The following ITGAX variants were observed in gnomAD, a reference collection of about 807,000 sequenced individuals.
ITGAX encodes integrin alpha-X.
A neutral mutation model predicts 140.2 loss-of-function variants in ITGAX; 99 were observed. The observed-to-expected ratio is 0.71, with a 90% confidence interval of 0.60 to 0.83. The LOEUF is 0.83. Ranked by LOEUF, ITGAX falls within the 40% of genes least tolerant of loss-of-function variation. The probability of loss-of-function intolerance (pLI) is 0.00; values close to 1 mark genes in which losing one functional copy is unlikely to be tolerated. For missense variants in ITGAX, 1,444 were observed against 1,482.0 expected, an observed-to-expected ratio of 0.97 and a Z score of 0.42; for synonymous variants, 631 against 600.4, an observed-to-expected ratio of 1.05 and a Z score of -0.75.
rs1464895259 is a variant in ITGAX, at chr16:31,381,858, T to C, written c.3443T>C (p.Ile1148Thr). Residue 1148 changes from isoleucine (I) to threonine (T), a missense_variant, in exon 30 of 30, where the codon ATT (isoleucine) becomes ACT (threonine). Physicochemically the swap from Ile to Thr is moderately conservative, Grantham distance 89 (BLOSUM62 -1). Coordinates refer to ENST00000268296, the MANE Select transcript of ITGAX (RefSeq NM_000887.5). ...KEMMEEANGQ[I>T]APENGTQTPS... ...ATGATGGAGGAGGCAAATGGACAAA[T>C]TGCCCCAGAAAACGGGACACAGACC... 1 of 877,108 alleles carries C rather than the reference T, an allele frequency of 1.1e-6. No homozygotes were observed. The highest frequency in any genetic ancestry group is 2.0e-6 in the Non-Finnish European group (1 of 505,728). 54.3% of individuals were successfully genotyped at this position (877,108 alleles called of 1,614,324 possible).
At position 31,379,829 on chromosome 16, in the gene ITGAX, G is replaced by A; in HGVS notation, c.2941G>A (p.Ala981Thr). The A allele has an allele frequency of 1.2e-6, 2 of 1,614,052 alleles. No individual in the cohort carries two copies. The highest frequency in any genetic ancestry group is 4.5e-5 in the East Asian group (2 of 44,894). Reference protein sequence around the residue: ...FWVPVELNQEAVWMDVEVSHP... With the variant: ...FWVPVELNQETVWMDVEVSHP... ...GGTGCCTGTGGAGCTGAACCAGGAG[G>A]CTGTGTGGATGGATGTGGAGGTCTC... Residue 981 changes from alanine (A) to threonine (T), a missense_variant, in exon 25 of 30, where the codon GCT (alanine) becomes ACT (threonine). Ala to Thr is a moderately conservative substitution (Grantham distance 58). Transcript: ENST00000268296.
At chr16:31,368,604 TTTTTTTA>T (rs1210135149) in intron 14 of ITGAX, among the ~76,000 whole-genome samples, 2 of 151,266 alleles carry the variant, frequency 1.3e-5, no homozygotes, top group East Asian at 3.9e-4. Flanking sequence ...TTTTTATTTA[TTTTTTTA>T]TTTTTTATTT....
rs774358647 is a variant in ITGAX, at chr16:31,371,659, C to G, written c.2035C>G (p.Leu679Val). 1 of 1,614,176 alleles carries G rather than the reference C, an allele frequency of 6.2e-7. No homozygotes were observed. Among genetic ancestry groups the G allele is most frequent in the South Asian group, 1.1e-5 (1 of 91,084 alleles). ...CCTCCAAAGCTCTGTGACCTTGGAC[C>G]TGGCCCTCGACCCTGGCCGCCTGAG... ...RDLQSSVTLD[L>V]ALDPGRLSPR... The change falls in exon 17 of 30, where the codon CTG becomes GTG. Residue 679 changes from leucine to valine, a missense_variant. By Grantham distance (32) the Leu-to-Val change is conservative. Coordinates refer to ENST00000268296, the MANE Select transcript of ITGAX (RefSeq NM_000887.5).
chr16:31,365,173 T>C (rs1436206237), intron 14 of ITGAX, among the ~76,000 whole-genome samples: 1 of 151,924 alleles, frequency 6.6e-6, no homozygotes, highest in Admixed American at 6.6e-5. Context: ...AGACAGAAAG[T>C]AGATGAGCAG....
chr16:31,361,212 G>A lies in ITGAX; in HGVS notation c.1011G>A (p.Glu337=), dbSNP rs757372935. 1.9e-6 allele frequency: 3 copies of A among 1,610,434 alleles called. No homozygotes were observed. The highest frequency in any genetic ancestry group is 2.5e-6 in the Non-Finnish European group (3 of 1,178,068). The change falls in exon 9 of 30, where the codon GAG becomes GAA. Residue 337 remains glutamate, a splice_region_variant and synonymous_variant. Transcript: ENST00000268296. Reference sequence around the variant, plus strand: ...TGAAGGAGAAGATCTTTGCCATTGAGGGTGAGTCTGAAGGGAGCTCTTCGC... The same window carrying A: ...TGAAGGAGAAGATCTTTGCCATTGAAGGTGAGTCTGAAGGGAGCTCTTCGC... ...NQLKEKIFAI[E]GTETTSSSSF...
At position 31,382,293 on chromosome 16, in the gene ITGAX, T is replaced by C; in HGVS notation, c.*386T>C. ...CGGAGTCTCGCTCTGTCACCCAGGCTGGAGTGCAATGGCGTGATCTCGGCT... is the reference window on the plus strand; with the variant it reads ...CGGAGTCTCGCTCTGTCACCCAGGCCGGAGTGCAATGGCGTGATCTCGGCT... On this transcript the variant is annotated 3_prime_UTR_variant, in exon 30 of 30. Transcript: ENST00000268296. 2 of 981,426 alleles carry C rather than the reference T, an allele frequency of 2.0e-6. No homozygotes were observed. Among genetic ancestry groups the C allele is most frequent in the South Asian group, 4.4e-5 (2 of 45,492 alleles). 60.8% of individuals were successfully genotyped at this position (981,426 alleles called of 1,614,324 possible).
At position 31,379,822 on chromosome 16, in the gene ITGAX, C is replaced by T. The variant is rs757573893; in HGVS notation, c.2934C>T (p.Asn978=). The change falls in exon 25 of 30, where the codon AAC becomes AAT. Residue 978 remains asparagine, a synonymous_variant. Transcript: ENST00000268296. ...SINFWVPVEL[N]QEAVWMDVEV... ...ACTTCTGGGTGCCTGTGGAGCTGAA[C>T]CAGGAGGCTGTGTGGATGGATGTGG... 3.7e-6 allele frequency: 6 copies of T among 1,614,168 alleles called. No individual in the cohort carries two copies. The highest frequency in any genetic ancestry group is 1.3e-5 in the African/African-American group (1 of 75,032).
At chr16:31,377,344 G>T in intron 23 of ITGAX, 79 bp downstream of exon 23, 1 of 1,146,256 alleles carries the variant, frequency 8.7e-7, no homozygotes, top group Non-Finnish European at 1.3e-6. Context: ...GCCTTGAAAC[G>T]CTGCCACAGA....
chr16:31,376,904 G>A lies in ITGAX; in HGVS notation c.2614G>A (p.Gly872Ser). The change falls in exon 21 of 30, where the codon GGC (glycine) becomes AGC (serine). Residue 872 changes from glycine to serine, a missense_variant. By Grantham distance (56) the Gly-to-Ser change is moderately conservative. Coordinates refer to ENST00000268296, the MANE Select transcript of ITGAX (RefSeq NM_000887.5). The part of the protein sequence containing the change: ...SCRINHLIFR[G>S]GAQITFLATF... ...CAGAATCAACCACCTCATCTTCCGT[G>A]GCGGCGCCCAGGTCAGCCTGGCTTC... 1.9e-6 allele frequency: 3 copies of A among 1,614,210 alleles called. No homozygotes were observed. Among genetic ancestry groups the A allele is most frequent in the Non-Finnish European group, 8.5e-7 (1 of 1,180,032 alleles).
rs1037097703 is a variant in ITGAX, at chr16:31,363,246, C to T, written c.1582C>T (p.Leu528=). Residue 528 remains leucine, a synonymous_variant, in exon 14 of 30, where the codon CTG becomes TTG. Coordinates refer to ENST00000268296, the MANE Select transcript of ITGAX (RefSeq NM_000887.5). ...TCGCTTTGGGGCGGCTCTGACAGTGCTGGGGGATGTGAATGGGGACAAGCT... is the reference window on the plus strand; with the variant it reads ...TCGCTTTGGGGCGGCTCTGACAGTGTTGGGGGATGTGAATGGGGACAAGCT... ...WGRFGAALTV[L]GDVNGDKLTD... 4.3e-6 allele frequency: 7 copies of T among 1,613,532 alleles called. No homozygotes were observed. The highest frequency in any genetic ancestry group is 5.9e-6 in the Non-Finnish European group (7 of 1,179,830).
At chr16:31,381,129 TG>T in intron 29 of ITGAX, 122 bp downstream of exon 29, 1 of 680,744 alleles carries the variant, frequency 1.5e-6, no homozygotes, top group Non-Finnish European at 2.5e-6. Context: ...TATGAGAAAC[TG>T]CTTCCCACCT....
Position 31,357,340 on chromosome 16 carries a change from C to T in ITGAX, c.406C>T (p.Gln136Ter). 4 of 1,605,272 alleles carry T rather than the reference C, an allele frequency of 2.5e-6. No individual in the cohort carries two copies. The highest frequency in any genetic ancestry group is 3.4e-6 in the Non-Finnish European group (4 of 1,176,508). ...CCTCCTGGGCCCCACCCAGCTCACC[C>T]AGAGGCTCCCGGTGTCCAGGCAGGG... Reference protein sequence around the residue: ...CFLLGPTQLTQRLPVSRQECP... With the variant: ...CFLLGPTQLT Residue 136 changes from glutamine to a stop codon, truncating the protein, a stop_gained, in exon 5 of 30, where the codon CAG becomes TAG. Transcript: ENST00000268296. LOFTEE classifies it high-confidence loss of function.
In ITGAX at chr16:31,370,884, A is replaced by C. The variant is rs527334047; in HGVS notation, c.1711-200A>C. Among the ~76,000 whole-genome samples the C allele has an allele frequency of 2.6e-5, 4 of 151,888 alleles. No individual in the cohort carries two copies. The East Asian group carries it at 5.8e-4, about 22-fold the overall frequency. On this transcript the variant is annotated intron_variant, in intron 14 of 29. Transcript: ENST00000268296. ...CTCGGGTCACCAGGACACCCTTCCT[A>C]TCTCCACTCTTACATCTGTTTCTTA...
chr16:31,379,949 G>A, intron 25 of ITGAX, 33 bp from the exon 26 acceptor site: 1 of 1,611,276 alleles, frequency 6.2e-7, no homozygotes, highest in East Asian at 2.2e-5. Context: ...TGATGTCCCA[G>A]CTGAGACACT....
chr16:31,359,860 G>T (rs759627349), intron 6 of ITGAX, 30 bp downstream of exon 6: 1 of 1,613,896 alleles, frequency 6.2e-7, no homozygotes, highest in East Asian at 2.2e-5. Flanking sequence ...AGGCTGCTGG[G>T]GGTGGGTGCT....
intron 14 of ITGAX, among the ~76,000 whole-genome samples, chr16:31,367,955 T>C (rs2080908221): frequency 6.6e-6 from 1 of 152,190 alleles, no homozygotes; most frequent in Non-Finnish European, 1.5e-5. Flanking sequence ...AATATCAACA[T>C]TAACACGAGT....
chr16:31,370,355 G>A (rs2080942392), intron 14 of ITGAX, among the ~76,000 whole-genome samples: 1 of 152,174 alleles, frequency 6.6e-6, no homozygotes, highest in South Asian at 2.1e-4. Flanking sequence ...TGGGAATGAA[G>A]GTGATAGGTT....
At chr16:31,361,732 C>G (rs1192684015) in intron 9 of ITGAX, 104 bp from the exon 10 acceptor site, 7 of 1,244,456 alleles carry the variant, frequency 5.6e-6, no homozygotes, top group Non-Finnish European at 8.2e-6. Context: ...GGCACCAGCT[C>G]TCCCTGTAGC....
Position 31,362,743 on chromosome 16 carries a change from C to G in ITGAX, c.1349C>G (p.Thr450Arg), listed in dbSNP as rs755048315. 2.5e-6 allele frequency: 4 copies of G among 1,613,288 alleles called. No individual in the cohort carries two copies. The highest frequency in any genetic ancestry group is 3.4e-6 in the Non-Finnish European group (4 of 1,179,788). ...SRQWRMKAEVTGTQIGSYFGA... is the reference protein window; with the variant it reads ...SRQWRMKAEVRGTQIGSYFGA... ...CAATGGAGGATGAAGGCCGAAGTCA[C>G]GGGGACTCAGGTTGGGCGTGACAGG... Residue 450 changes from threonine to arginine, a missense_variant, in exon 12 of 30, where the codon ACG becomes AGG. Physicochemically the swap from Thr to Arg is moderately conservative, Grantham distance 71 (BLOSUM62 -1). Coordinates refer to ENST00000268296, the MANE Select transcript of ITGAX (RefSeq NM_000887.5).
Sources: gnomAD v4.1 joint callset for allele counts (sites outside exome capture counted in the v4.1 genomes callset) on GRCh38, gnomAD v4.1.1 for gene constraint, MANE v1.5 for transcripts, NCBI Gene and HGNC (gene_info 2026-07-23, HGNC 2026-07-21) for gene names.